ANO10: variants seen among roughly 807,000 people sequenced by gnomAD.
ANO10 encodes anoctamin 10, also known as anoctamin-10.
In ANO10, 77 loss-of-function variants were observed where a neutral mutation model predicts 74.7. The observed-to-expected ratio is 1.03, with a 90% CI of 0.86 to 1.25. ANO10 has a LOEUF of 1.25. Among genes scored for constraint, ANO10 ranks in the 50% most tolerant of loss-of-function variants. The probability of loss-of-function intolerance (pLI) is 0.00; values close to 1 mark genes in which losing one functional copy is unlikely to be tolerated. For missense variants in ANO10, 721 were observed against 778.1 expected (o/e 0.93, Z 0.87); for synonymous variants, 279 against 284.9 (o/e 0.98, Z 0.21).
chr3:43,373,518 CT>C (rs1478585412), intron 12 of ANO10, among the ~76,000 whole-genome samples: 4 of 152,320 alleles, frequency 2.6e-5, no homozygotes, highest in Non-Finnish European at 4.4e-5. Flanking sequence ...GGTGTAATGT[CT>C]GTTTCTCAAA....
intron 4 of ANO10, among the ~76,000 whole-genome samples, chr3:43,585,786 G>A (rs944851542): frequency 1.3e-5 from 2 of 152,168 alleles, no homozygotes; most frequent in East Asian, 1.9e-4. Context: ...TTCCCACTAG[G>A]AGATTAAGAA....
intron 12 of ANO10, among the ~76,000 whole-genome samples, chr3:43,382,263 T>C (rs1453886525): frequency 6.6e-6 from 1 of 152,040 alleles, no homozygotes; most frequent in African/African-American, 2.4e-5. Flanking sequence ...CTCACGCCTG[T>C]AATCCCAGCA....
chr3:43,457,768 T>A (rs1023617274), intron 11 of ANO10, among the ~76,000 whole-genome samples: 10 of 152,176 alleles, frequency 6.6e-5, no homozygotes, highest in African/African-American at 2.4e-4. Context: ...TAAAATAAAA[T>A]GAACTGCAAG....
chr3:43,662,643 G>A (rs796683119), intron 1 of ANO10, among the ~76,000 whole-genome samples: 6 of 151,962 alleles, frequency 3.9e-5, no homozygotes, highest in Admixed American at 1.3e-4. Flanking sequence ...AAAATAGACC[G>A]CTACCAAGAC....
intron 4 of ANO10, among the ~76,000 whole-genome samples, chr3:43,590,091 G>C (rs1239207322): frequency 6.6e-6 from 1 of 152,028 alleles, no homozygotes; most frequent in Non-Finnish European, 1.5e-5. Flanking sequence ...TTTTTAAATT[G>C]ACAGAAACTA....
At chr3:43,484,535 T>C (rs1294963484) in intron 11 of ANO10, among the ~76,000 whole-genome samples, 2 of 152,200 alleles carry the variant, frequency 1.3e-5, no homozygotes, top group African/African-American at 4.8e-5. Context: ...GGTAAAATAT[T>C]TCTATCGCCT....
At chr3:43,429,170 G>C (rs2092944750) in intron 12 of ANO10, among the ~76,000 whole-genome samples, 1 of 152,036 alleles carries the variant, frequency 6.6e-6, no homozygotes, top group Admixed American at 6.6e-5. Context: ...TAACACTCCT[G>C]CATTTGGAGT....
chr3:43,393,176 C>T (rs570166290), intron 12 of ANO10, among the ~76,000 whole-genome samples: 18 of 152,098 alleles, frequency 1.2e-4, no homozygotes, highest in African/African-American at 4.1e-4. Context: ...TAACCAATGC[C>T]TACCTCATAT....
intron 11 of ANO10, among the ~76,000 whole-genome samples, chr3:43,489,846 G>T (rs2076650870): frequency 1.3e-5 from 2 of 150,824 alleles, no homozygotes; most frequent in South Asian, 4.2e-4. Flanking sequence ...TTTATCTCAT[G>T]ACCATTAGAG....
chr3:43,431,920 AAG>A (rs745321047), intron 12 of ANO10, among the ~76,000 whole-genome samples: 4 of 152,250 alleles, frequency 2.6e-5, no homozygotes, highest in South Asian at 4.2e-4. Flanking sequence ...GAGGCCAAAG[AAG>A]GAGTATGTGT....
intron 1 of ANO10, among the ~76,000 whole-genome samples, chr3:43,648,428 T>A (rs6441788): frequency 6.6e-6 from 1 of 152,154 alleles, no homozygotes; most frequent in Admixed American, 6.5e-5. Context: ...AGGAATAAAA[T>A]AATGGCTACT....
chr3:43,518,647 C>T (rs1337070680), intron 11 of ANO10, among the ~76,000 whole-genome samples: 2 of 151,912 alleles, frequency 1.3e-5, no homozygotes, highest in African/African-American at 4.8e-5. Context: ...GAATGCTTTC[C>T]TAGGGGGAGG....
At chr3:43,514,085 G>A (rs1208212854) in intron 11 of ANO10, among the ~76,000 whole-genome samples, 4 of 150,470 alleles carry the variant, frequency 2.7e-5, no homozygotes, top group Non-Finnish European at 5.9e-5. Context: ...AAAATTGCAA[G>A]CAAAAATAGA....
rs542927497 is a variant in ANO10 at position 43,681,499 on chromosome 3, G to A, written c.-12+10018C>T. ...ATAATGGGAGACTTTTACACCCACC[G>A]TCAACATTAGACAGATCAACGAGAC... is the stretch of plus-strand genomic sequence containing the variant. On this transcript the variant is annotated intron_variant, in intron 1 of 3. Coordinates refer to the ANO10 transcript ENST00000413397. Among the ~76,000 whole-genome samples, 599 of 151,604 alleles carry A rather than the reference G, an allele frequency of 4.0e-3. 6 individuals are homozygous for A. Among genetic ancestry groups the A allele is most frequent in the African/African-American group, 0.013 (533 of 41,298 alleles).
At chr3:43,671,076 C>T (rs978243727) in intron 1 of ANO10, among the ~76,000 whole-genome samples, 2 of 152,072 alleles carry the variant, frequency 1.3e-5, no homozygotes, top group African/African-American at 4.8e-5. Context: ...TCTGATTTCC[C>T]ATTTATATGA....
At chr3:43,528,856 A>G (rs1054668649) in intron 11 of ANO10, among the ~76,000 whole-genome samples, 5 of 152,136 alleles carry the variant, frequency 3.3e-5, no homozygotes, top group African/African-American at 1.2e-4. Flanking sequence ...GCTACTCAGG[A>G]GGCTGAGATG....
At chr3:43,393,232 C>G (rs1288630549) in intron 12 of ANO10, among the ~76,000 whole-genome samples, 1 of 152,222 alleles carries the variant, frequency 6.6e-6, no homozygotes, top group Non-Finnish European at 1.5e-5. Flanking sequence ...TCAAGATCAT[C>G]TTCCGAAGCA....
At chr3:43,524,695 G>A (rs892715865) in intron 11 of ANO10, among the ~76,000 whole-genome samples, 7 of 152,206 alleles carry the variant, frequency 4.6e-5, no homozygotes, top group South Asian at 2.1e-4. Flanking sequence ...TAGACTCAGC[G>A]GGACAATGAA....
intron 1 of ANO10, among the ~76,000 whole-genome samples, chr3:43,688,379 C>T (rs1418744493): frequency 1.3e-5 from 2 of 152,300 alleles, no homozygotes; most frequent in African/African-American, 4.8e-5. Flanking sequence ...TCTGCAGACA[C>T]ACTACAAGTG....
Sources: allele counts gnomAD v4.1 joint callset (sites outside exome capture counted in the v4.1 genomes callset), GRCh38; gene constraint gnomAD v4.1.1; transcripts MANE v1.5; gene names NCBI Gene and HGNC (gene_info 2026-07-23, HGNC 2026-07-21).